The following FBLN1 variants were observed in gnomAD, a reference collection of about 807,000 sequenced individuals.
FBLN1 encodes the protein fibulin 1.
A neutral mutation model predicts 89.7 loss-of-function variants in FBLN1; 34 were observed. That is an observed-to-expected ratio of 0.38 (90% CI 0.29 to 0.50). The LOEUF is 0.50. FBLN1 is among the 20% of genes least tolerant of loss of function. FBLN1 has a pLI of 0.92. For synonymous variants in FBLN1, 393 were observed against 391.3 expected (o/e 1.00, Z -0.05); for missense variants, 777 against 988.1 (o/e 0.79, Z 2.86).
At chr22:45,571,108 T>C (rs1192591437) in intron 14 of FBLN1, among the ~76,000 whole-genome samples, 2 of 24,938 alleles carry the variant, frequency 8.0e-5, no homozygotes, top group South Asian at 1.1e-3. Context: ...GAAACAAGAG[T>C]CTCAAAAAAA....
Position 45,600,642 on chromosome 22 carries a change from T to C in FBLN1, c.*196T>C, listed in dbSNP as rs1920925705. Reference sequence around the variant, plus strand: ...TCGGTGTTTAAAAAATGAGCCCAGTTGCTCAACTGTTTGGTTGAAAACCTT... The same window carrying C: ...TCGGTGTTTAAAAAATGAGCCCAGTCGCTCAACTGTTTGGTTGAAAACCTT... On this transcript the variant is annotated 3_prime_UTR_variant, in exon 17 of 17. Coordinates refer to ENST00000327858, the MANE Select transcript of FBLN1 (RefSeq NM_006486.3). 3.0e-6 allele frequency: 2 copies of C among 671,616 alleles called. No individual in the cohort carries two copies. Among genetic ancestry groups the C allele is most frequent in the Admixed American group, 2.2e-5 (1 of 44,872 alleles). 41.6% of individuals were successfully genotyped at this position (671,616 alleles called of 1,614,324 possible).
chr22:45,543,856 G>A (rs1481103133), intron 11 of FBLN1, among the ~76,000 whole-genome samples: 4 of 152,186 alleles, frequency 2.6e-5, no homozygotes, highest in Non-Finnish European at 4.4e-5. Context: ...CCCTGCCTCC[G>A]TGTCCTCCCC....
intron 11 of FBLN1, among the ~76,000 whole-genome samples, 158 bp from the exon 12 acceptor site, chr22:45,546,927 C>T (rs544053217): frequency 2.0e-5 from 3 of 152,256 alleles, no homozygotes; most frequent in Admixed American, 6.5e-5. Context: ...CCAGCGATGA[C>T]GCCTCTCCCT....
rs536599612 is a variant in FBLN1 at position 45,562,840 on chromosome 22, C to A, written c.1698-11671C>A. The A allele has an allele frequency of 6.8e-7, 1 of 1,467,550 alleles. No individual in the cohort carries two copies. The highest frequency in any genetic ancestry group is 9.5e-7 in the Non-Finnish European group (1 of 1,057,002). The allele number at this position is 1,467,550 out of a possible 1,614,324, so 90.9% of individuals were successfully genotyped here. ...CCCGCCTGCCAGCCCCGCATCCCCG[C>A]GCTCTGCCGTTTCTCCGCTTGCTGG... On this transcript the variant is annotated intron_variant, in intron 14 of 16. Coordinates refer to ENST00000327858, the MANE Select transcript of FBLN1 (RefSeq NM_006486.3). This position sits in a 1 kb window ranked among gnomAD's most constrained non-coding sequence, Gnocchi z 7.8.
At chr22:45,519,913 TA>T (rs1293691344) in intron 2 of FBLN1, among the ~76,000 whole-genome samples, 2 of 152,136 alleles carry the variant, frequency 1.3e-5, no homozygotes, top group African/African-American at 4.8e-5. Context: ...CTCACCCCTG[TA>T]ATCCCAGCAC....
intron 16 of FBLN1, among the ~76,000 whole-genome samples, chr22:45,589,132 A>T (rs940074950): frequency 3.4e-5 from 5 of 148,540 alleles, no homozygotes; most frequent in Admixed American, 2.0e-4. Context: ...TATATAAAAA[A>T]TATGTAAAAA....
chr22:45,545,430 TTTA>T lies in FBLN1; in HGVS notation c.1322-1646_1322-1644del, dbSNP rs1223373153. On this transcript the variant is annotated intron_variant, in intron 11 of 16. Coordinates refer to ENST00000327858, the MANE Select transcript of FBLN1 (RefSeq NM_006486.3). The surrounding 1 kb of genome is among the most constrained non-coding windows in gnomAD (Gnocchi z 5.9). ...AGCTGGCGGTGTGGAGGCTGCTGGC[TTTA>T]TTATTATTTAGTAGAAGTAGTGGGA... Among the ~76,000 whole-genome samples, 1 of 152,148 alleles carries T rather than the reference TTTA, an allele frequency of 6.6e-6. No homozygotes were observed. The highest frequency in any genetic ancestry group is 1.5e-5 in the Non-Finnish European group (1 of 68,028).
intron 16 of FBLN1, among the ~76,000 whole-genome samples, chr22:45,591,696 C>G (rs2089137675): frequency 6.6e-6 from 1 of 152,194 alleles, no homozygotes; most frequent in African/African-American, 2.4e-5. Flanking sequence ...GCACCACCAG[C>G]TTCTGATGCG....
intron 7 of FBLN1, 25 bp from the exon 8 acceptor site, chr22:45,535,175 A>C: frequency 6.2e-7 from 1 of 1,613,976 alleles, no homozygotes. Flanking sequence ...CTTGCTAACA[A>C]TTTCCTTTTT....
intron 14 of FBLN1, among the ~76,000 whole-genome samples, chr22:45,573,581 T>G (rs2088968182): frequency 6.8e-6 from 1 of 147,354 alleles, no homozygotes; most frequent in South Asian, 2.2e-4. Context: ...CTCAGGAGGC[T>G]GAGGCAGGAG....
chr22:45,508,328 C>G (rs919448840), intron 1 of FBLN1, among the ~76,000 whole-genome samples: 1 of 136,482 alleles, frequency 7.3e-6, no homozygotes, highest in Non-Finnish European at 1.5e-5. Flanking sequence ...GGGGTGTGAT[C>G]TTGGCTCACT....
rs1206353459 is a variant in FBLN1 at position 45,597,191 on chromosome 22, CAG to C, written c.1973-3115_1973-3114del. Among the ~76,000 whole-genome samples, 1 of 152,030 alleles carries C rather than the reference CAG, an allele frequency of 6.6e-6. No homozygotes were observed. ...CTAATTTTTGTATTTTTTGTAGAGA[CAG>C]GGTTTTGCCACGTTGCCCACGCTGG... is the stretch of plus-strand genomic sequence containing the variant. On this transcript the variant is annotated intron_variant, in intron 16 of 16. Coordinates refer to ENST00000327858, the MANE Select transcript of FBLN1 (RefSeq NM_006486.3). The surrounding 1 kb of genome is among the most constrained non-coding windows in gnomAD (Gnocchi z 4.2).
rs57050786 is a variant in FBLN1 at position 45,586,123 on chromosome 22, G to C, written c.1972+9015G>C. 2.8e-3 allele frequency among the ~76,000 whole-genome samples: 425 copies of C among 152,336 alleles called. 8 individuals carry two copies. Among genetic ancestry groups the C allele is most frequent in the Admixed American group, 0.019 (293 of 15,304 alleles). On this transcript the variant is annotated intron_variant, in intron 16 of 16. Transcript: ENST00000327858. ...GTCCCGGAAACCTCCCTGCTCAGTGGGTGGCCCCTGGACAGCCTGGGCTGG... is the reference window on the plus strand; with the variant it reads ...GTCCCGGAAACCTCCCTGCTCAGTGCGTGGCCCCTGGACAGCCTGGGCTGG...
chr22:45,574,813 G>T lies in FBLN1; in HGVS notation c.1840+160G>T, dbSNP rs1378047635. Among the ~76,000 whole-genome samples, 2 of 133,594 alleles carry T rather than the reference G, an allele frequency of 1.5e-5. No individual in the cohort carries two copies. The highest frequency in any genetic ancestry group is 3.1e-5 in the Non-Finnish European group (2 of 65,478). 87.6% of individuals were successfully genotyped at this position (133,594 alleles called of 152,430 possible). On this transcript the variant is annotated intron_variant, in intron 15 of 16. Coordinates refer to ENST00000327858, the MANE Select transcript of FBLN1 (RefSeq NM_006486.3). The surrounding 1 kb of genome is among the most constrained non-coding windows in gnomAD (Gnocchi z 4.1). ...TTTTTTTTTTTTGAGACGGAGTCTC[G>T]CTCTGTCGCCCGGGCTGGAGTGCAG...
chr22:45,536,963 C>T lies in FBLN1; in HGVS notation c.922+1626C>T, dbSNP rs184007108. ...AGACAGGAGGTGAGTCCTGCTTTCC[C>T]CAGCCGTTGTCAGGTTAACTGCCTG... On this transcript the variant is annotated intron_variant, in intron 8 of 16. Transcript: ENST00000327858. This position sits in a 1 kb window ranked among gnomAD's most constrained non-coding sequence, Gnocchi z 5.1. Among the ~76,000 whole-genome samples the T allele has an allele frequency of 3.3e-5, 5 of 152,288 alleles. No individual in the cohort carries two copies. The East Asian group carries it at 9.7e-4, about 29-fold the overall frequency.
At chr22:45,539,684 G>C (rs2088529859) in intron 8 of FBLN1, among the ~76,000 whole-genome samples, 1 of 152,234 alleles carries the variant, frequency 6.6e-6, no homozygotes, top group Admixed American at 6.5e-5. Context: ...GTGAATCCCT[G>C]AGAGGGAGAG....
At chr22:45,508,604 C>T (rs75433663) in intron 1 of FBLN1, among the ~76,000 whole-genome samples, 21,129 of 152,020 alleles carry the variant, frequency 0.14, 1,705 homozygotes, top group Middle Eastern at 0.27. Flanking sequence ...AAGTCTAGTT[C>T]AGGGGGGGAT....
intron 2 of FBLN1, among the ~76,000 whole-genome samples, chr22:45,525,246 G>A (rs940566776): frequency 1.3e-5 from 2 of 152,026 alleles, no homozygotes; most frequent in Non-Finnish European, 2.9e-5. Flanking sequence ...AAAGAAAGAG[G>A]GTCTTACCAT....
At chr22:45,571,035 C>G (rs141083791) in intron 14 of FBLN1, among the ~76,000 whole-genome samples, 1 of 142,156 alleles carries the variant, frequency 7.0e-6, no homozygotes, top group Non-Finnish European at 1.5e-5. Flanking sequence ...GCAGGAGAAT[C>G]GCTTAAACTT....
Sources: allele counts gnomAD v4.1 joint callset (sites outside exome capture counted in the v4.1 genomes callset), GRCh38; gene constraint gnomAD v4.1.1; non-coding constraint Gnocchi (gnomAD v3.1); transcripts MANE v1.5; gene names NCBI Gene and HGNC (gene_info 2026-07-23, HGNC 2026-07-21).